SHTN1: variants seen among roughly 807,000 people sequenced by gnomAD.
SHTN1 encodes shootin 1, also known as shootin-1.
A neutral mutation model predicts 83.1 loss-of-function variants in SHTN1; 42 were observed. That is an observed-to-expected ratio of 0.51 (90% CI 0.39 to 0.65). SHTN1 has a LOEUF of 0.65. Ranked by LOEUF, SHTN1 falls within the 30% of genes least tolerant of loss-of-function variation. The probability of loss-of-function intolerance (pLI) is 0.00; values close to 1 mark genes in which losing one functional copy is unlikely to be tolerated. For missense variants in SHTN1, 622 were observed against 737.8 expected (o/e 0.84, Z 1.82); for synonymous variants, 224 against 247.7 (o/e 0.90, Z 0.90).
At chr10:116,928,820 G>C (rs1848844179) in intron 10 of SHTN1, among the ~76,000 whole-genome samples, 3 of 152,156 alleles carry the variant, frequency 2.0e-5, no homozygotes, top group Admixed American at 1.3e-4. Flanking sequence ...AAGACAAAAA[G>C]CATGGTTTCT....
At chr10:116,916,473 T>C (rs965817154) in intron 12 of SHTN1, among the ~76,000 whole-genome samples, 1 of 152,222 alleles carries the variant, frequency 6.6e-6, no homozygotes, top group African/African-American at 2.4e-5. Context: ...TGGTGGGCAC[T>C]CAACAAGTTT....
chr10:116,900,404 T>C (rs1361282385), intron 16 of SHTN1: 1 of 768,178 alleles, frequency 1.3e-6, no homozygotes, highest in African/African-American at 1.7e-5. Flanking sequence ...TCACTGTCAA[T>C]TCAACACATA....
intron 2 of SHTN1, among the ~76,000 whole-genome samples, chr10:117,040,892 AATTTT>A (rs1852573446): frequency 1.3e-5 from 2 of 151,806 alleles, no homozygotes; most frequent in South Asian, 4.2e-4. Context: ...ATAGTTTTGT[AATTTT>A]ATTTTTATAC....
At chr10:117,010,623 CAAAGA>C (rs1419077072) in intron 2 of SHTN1, among the ~76,000 whole-genome samples, 1 of 151,962 alleles carries the variant, frequency 6.6e-6, no homozygotes. Context: ...AAGGATATCA[CAAAGA>C]AAAGAAATGT....
rs1847977668 is a variant in SHTN1, at chr10:116,906,530, T to C, written c.1480+97A>G. The C allele has an allele frequency of 3.7e-5, 46 of 1,233,592 alleles. No individual in the cohort carries two copies. In the South Asian group the frequency reaches 8.6e-4, roughly 23 times the overall value. The allele number at this position is 1,233,592 out of a possible 1,614,324, so 76.4% of individuals were successfully genotyped here. On this transcript the variant is annotated intron_variant, in intron 15 of 16. Transcript: ENST00000355371. ...CTCACATTAAAAACAAATATTTTAATAATACTTTTTAAAAGATTGTTTCAT... is the reference window on the plus strand; with the variant it reads ...CTCACATTAAAAACAAATATTTTAACAATACTTTTTAAAAGATTGTTTCAT...
At chr10:116,952,108 G>T (rs960821292) in intron 5 of SHTN1, 102 bp from the exon 6 acceptor site, 3 of 494,100 alleles carry the variant, frequency 6.1e-6, no homozygotes, top group African/African-American at 2.0e-5. Flanking sequence ...TGCAGCTTAT[G>T]GTCAAGATTA....
chr10:116,911,029 G>A (rs1848168949), intron 14 of SHTN1, among the ~76,000 whole-genome samples: 1 of 152,204 alleles, frequency 6.6e-6, no homozygotes. Context: ...GGAGTATTCA[G>A]TCTTGTACCT....
At chr10:117,035,557 A>G (rs1454761767) in intron 2 of SHTN1, among the ~76,000 whole-genome samples, 1 of 152,168 alleles carries the variant, frequency 6.6e-6, no homozygotes, top group African/African-American at 2.4e-5. Flanking sequence ...GAATGGGAGA[A>G]AATATTTGCA....
At chr10:116,984,900 T>C (rs1034736859) in intron 1 of SHTN1, among the ~76,000 whole-genome samples, 2 of 152,230 alleles carry the variant, frequency 1.3e-5, no homozygotes, top group Non-Finnish European at 2.9e-5. Flanking sequence ...CTAAACCCTC[T>C]AAGACCTTTC....
intron 13 of SHTN1, among the ~76,000 whole-genome samples, chr10:116,912,076 G>T (rs1278504468): frequency 1.3e-5 from 2 of 152,180 alleles, no homozygotes; most frequent in Non-Finnish European, 2.9e-5. Context: ...AAGGAGACAA[G>T]CTACCCTCTT....
At chr10:116,907,772 C>A in intron 14 of SHTN1, 1 of 449,814 alleles carries the variant, frequency 2.2e-6, no homozygotes, top group South Asian at 1.6e-5. Context: ...GACATAAGAA[C>A]CTCAAGTCTG....
At chr10:117,040,263 A>G (rs747968816) in intron 2 of SHTN1, among the ~76,000 whole-genome samples, 2 of 152,194 alleles carry the variant, frequency 1.3e-5, no homozygotes, top group Non-Finnish European at 2.9e-5. Flanking sequence ...GACTTACATT[A>G]CCTGATTTCT....
At chr10:116,960,354 C>T in intron 3 of SHTN1, 124 bp from the exon 4 acceptor site, 3 of 567,056 alleles carry the variant, frequency 5.3e-6, no homozygotes, top group Non-Finnish European at 9.4e-6. Context: ...TTAGCTATCA[C>T]TGAAAAAAGG....
chr10:116,971,861 T>C (rs1850631141), intron 2 of SHTN1, among the ~76,000 whole-genome samples: 1 of 152,186 alleles, frequency 6.6e-6, no homozygotes, highest in Non-Finnish European at 1.5e-5. Context: ...AAGCTCTACC[T>C]AAAGGAATTA....
Position 117,058,685 on chromosome 10 carries a change from C to G in SHTN1, c.-188-10175G>C, listed in dbSNP as rs569357723. 7.4e-4 allele frequency among the ~76,000 whole-genome samples: 112 copies of G among 152,254 alleles called. 2 individuals are homozygous for G. The South Asian group carries it at 0.022, about 30-fold the overall frequency. ...TACTCAAAAGAATTAAAAGCAGGGTCTTGAAGGGATATTTGTACACCTATG... is the reference window on the plus strand; with the variant it reads ...TACTCAAAAGAATTAAAAGCAGGGTGTTGAAGGGATATTTGTACACCTATG... On this transcript the variant is annotated intron_variant, in intron 1 of 17. Coordinates refer to the SHTN1 transcript ENST00000392901.
At chr10:116,888,397 C>T (rs1847228514) in intron 16 of SHTN1, among the ~76,000 whole-genome samples, 1 of 152,198 alleles carries the variant, frequency 6.6e-6, no homozygotes. Flanking sequence ...TCAGAGGAAT[C>T]AGACCTTAGG....
At chr10:116,946,297 T>C (rs1269726582) in intron 7 of SHTN1, among the ~76,000 whole-genome samples, 1 of 148,472 alleles carries the variant, frequency 6.7e-6, no homozygotes, top group Non-Finnish European at 1.5e-5. Flanking sequence ...TACTAGTGCT[T>C]ATCTCTGGAT....
intron 1 of SHTN1, among the ~76,000 whole-genome samples, chr10:117,086,247 A>G (rs369970120): frequency 6.6e-6 from 1 of 152,214 alleles, no homozygotes; most frequent in African/African-American, 2.4e-5. Context: ...GTCTGAAATT[A>G]ATATAGCTAT....
upstream of SHTN1, among the ~76,000 whole-genome samples, chr10:117,007,670 A>G (rs1852043536): frequency 1.3e-5 from 2 of 151,368 alleles, 1 homozygote; most frequent in Non-Finnish European, 2.9e-5. Context: ...CAGTTCTCCC[A>G]TTACACTATT....
Sources: allele counts gnomAD v4.1 joint callset (sites outside exome capture counted in the v4.1 genomes callset), GRCh38; gene constraint gnomAD v4.1.1; transcripts MANE v1.5; gene names NCBI Gene and HGNC (gene_info 2026-07-23, HGNC 2026-07-21).